IQCH: variants seen among roughly 807,000 people sequenced by gnomAD.
The protein encoded by IQCH is IQ domain-containing protein H.
A neutral mutation model predicts 117.0 loss-of-function variants in IQCH; 98 were observed. The ratio of observed to expected loss-of-function variants is 0.84; its 90% CI spans 0.71 to 0.99. The LOEUF is 0.99. Among genes scored for constraint, IQCH ranks in the 50% least tolerant of loss-of-function variants. The pLI, the probability that IQCH is intolerant of heterozygous loss-of-function variation, is 0.00. For synonymous variants in IQCH, 412 were observed against 448.2 expected (o/e 0.92, Z 1.02); for missense variants, 1,102 against 1,243.8 (o/e 0.89, Z 1.72).
chr15:67,498,085 C>A (rs937008568), intron 20 of IQCH, among the ~76,000 whole-genome samples: 4 of 152,116 alleles, frequency 2.6e-5, no homozygotes, highest in African/African-American at 9.7e-5. Flanking sequence ...GGAGAAGTCA[C>A]ACTTCTCAAT....
At chr15:67,429,475 G>T (rs979951100) in intron 16 of IQCH, among the ~76,000 whole-genome samples, 5 of 152,162 alleles carry the variant, frequency 3.3e-5, no homozygotes, top group African/African-American at 1.2e-4. Context: ...CCATGATCGT[G>T]CCACTGCACT....
chr15:67,349,384 C>A (rs1168506685), intron 6 of IQCH, among the ~76,000 whole-genome samples: 2 of 152,062 alleles, frequency 1.3e-5, no homozygotes, highest in Admixed American at 6.5e-5. Context: ...TTTGGGAGGC[C>A]AAGTTGGGTG....
chr15:67,336,023 G>A (rs1053165311), intron 4 of IQCH, among the ~76,000 whole-genome samples: 3 of 151,918 alleles, frequency 2.0e-5, no homozygotes, highest in Non-Finnish European at 2.9e-5. Context: ...TTGTGCAACC[G>A]AGTCCAATGG....
At position 67,389,072 on chromosome 15, in the gene IQCH, A is replaced by G; in HGVS notation, c.1632+66A>G. On this transcript the variant is annotated intron_variant, in intron 12 of 20. Coordinates refer to ENST00000335894, the MANE Select transcript of IQCH (RefSeq NM_001031715.3). ...TAAAATTAAATTGGAAATTTTAATA[A>G]CTTGCAACGCTCTGGTACACATCAG... The G allele has an allele frequency of 4.0e-6, 5 of 1,256,194 alleles. 1 individual carries two copies. The South Asian group carries it at 6.4e-5, about 16-fold the overall frequency. 77.8% of individuals were successfully genotyped at this position (1,256,194 alleles called of 1,614,324 possible).
At chr15:67,281,698 A>G (rs1221395479) in intron 4 of IQCH, 8 of 454,172 alleles carry the variant, frequency 1.8e-5, no homozygotes, top group Admixed American at 1.2e-4. Context: ...AAATTTCCCC[A>G]CAAAAGACAG....
chr15:67,452,972 A>G (rs1469276308), intron 16 of IQCH, among the ~76,000 whole-genome samples: 2 of 151,752 alleles, frequency 1.3e-5, no homozygotes, highest in Non-Finnish European at 2.9e-5. Context: ...CATTTCATTC[A>G]TTTCATCTTC....
At chr15:67,437,047 A>G (rs1470792737) in intron 16 of IQCH, among the ~76,000 whole-genome samples, 2 of 152,066 alleles carry the variant, frequency 1.3e-5, no homozygotes, top group African/African-American at 2.4e-5. Context: ...CCACACTACT[A>G]TAGCTGATGC....
chr15:67,373,169 G>A (rs111761274), intron 9 of IQCH, among the ~76,000 whole-genome samples, 198 bp from the exon 10 acceptor site: 207 of 152,228 alleles, frequency 1.4e-3, no homozygotes, highest in Admixed American at 2.6e-3. Context: ...TAAGTGAGCT[G>A]CCTCTAATCT....
intron 6 of IQCH, among the ~76,000 whole-genome samples, chr15:67,355,965 C>A (rs1198128714): frequency 6.6e-6 from 1 of 152,172 alleles, no homozygotes; most frequent in African/African-American, 2.4e-5. Flanking sequence ...AAAAGTTATG[C>A]CCACTTGAAA....
At chr15:67,489,845 T>C (rs939543019) in intron 18 of IQCH, among the ~76,000 whole-genome samples, 158 bp from the exon 19 acceptor site, 14 of 151,994 alleles carry the variant, frequency 9.2e-5, no homozygotes, top group African/African-American at 3.1e-4. Flanking sequence ...CTCCAAATTC[T>C]AGAGGCAGCC....
chr15:67,255,519 A>G (rs769168103), intron 1 of IQCH, among the ~76,000 whole-genome samples: 2 of 152,250 alleles, frequency 1.3e-5, no homozygotes, highest in South Asian at 2.1e-4. Context: ...GTCTTGTCCA[A>G]TACAGCTCAA....
rs1567163539 is a variant in IQCH, at chr15:67,408,710, G to A, written c.2098-8221G>A. Among the ~76,000 whole-genome samples, 8 of 152,082 alleles carry A rather than the reference G, an allele frequency of 5.3e-5. No homozygotes were observed. Among genetic ancestry groups the A allele is most frequent in the Non-Finnish European group, 1.5e-5 (1 of 68,026 alleles). On this transcript the variant is annotated intron_variant, in intron 14 of 20. Coordinates refer to ENST00000335894, the MANE Select transcript of IQCH (RefSeq NM_001031715.3). The surrounding 1 kb of genome is among the most constrained non-coding windows in gnomAD (Gnocchi z 4.2). The stretch of plus-strand genomic sequence containing the variant: ...TTGAATGAAAAATCAAGTTCAAAGG[G>A]CACATGTGTTTCCTTTTGTTTTTAA...
At chr15:67,266,693 ACTT>A in intron 3 of IQCH, among the ~76,000 whole-genome samples, 1 of 152,266 alleles carries the variant, frequency 6.6e-6, no homozygotes, top group Non-Finnish European at 1.5e-5. Context: ...CATACTCTAT[ACTT>A]AGGTGAGGTT....
At position 67,388,618 on chromosome 15, in the gene IQCH, G is replaced by A. The variant is rs3825979; in HGVS notation, c.1457-213G>A. Among the ~76,000 whole-genome samples the A allele has an allele frequency of 0.13, 20,286 of 152,130 alleles. 1,423 individuals are homozygous for A. The highest frequency in any genetic ancestry group is 0.2 in the East Asian group (1,028 of 5,180). The stretch of plus-strand genomic sequence containing the variant: ...AGGAATCATTGCATCTATTTCGTTG[G>A]TGGTGGTGTTATTTATATTTTCTTT... On this transcript the variant is annotated intron_variant, in intron 11 of 20. Coordinates refer to ENST00000335894, the MANE Select transcript of IQCH (RefSeq NM_001031715.3). The surrounding 1 kb of genome is among the most constrained non-coding windows in gnomAD (Gnocchi z 5.5).
At position 67,342,486 on chromosome 15, in the gene IQCH, T is replaced by C. The variant is rs1250961773; in HGVS notation, c.509-1577T>C. ...ACCAGCACTAAAGCAAGGGTTGAAA[T>C]CGTGCTTATAGTCTTCAGAATTCTC... On this transcript the variant is annotated intron_variant, in intron 5 of 20. Transcript: ENST00000335894. This position sits in a 1 kb window ranked among gnomAD's most constrained non-coding sequence, Gnocchi z 4.7. Among the ~76,000 whole-genome samples, 1 of 152,186 alleles carries C rather than the reference T, an allele frequency of 6.6e-6. No homozygotes were observed. Among genetic ancestry groups the C allele is most frequent in the Admixed American group, 6.5e-5 (1 of 15,280 alleles).
chr15:67,315,513 C>T (rs890007197), intron 4 of IQCH, among the ~76,000 whole-genome samples: 10 of 151,938 alleles, frequency 6.6e-5, no homozygotes, highest in East Asian at 3.9e-4. Context: ...CATTAATCCC[C>T]GTGGAATGAG....
rs113591934 is a variant in IQCH, at chr15:67,287,053, T to A, written c.387+7541T>A. On this transcript the variant is annotated intron_variant, in intron 4 of 20. Coordinates refer to ENST00000335894, the MANE Select transcript of IQCH (RefSeq NM_001031715.3). ...GATCATATGGTTTTGTCCTCTATTC[T>A]GTTGATATGATGTATCACATTGATT... 1.9e-3 allele frequency among the ~76,000 whole-genome samples: 290 copies of A among 152,370 alleles called. 1 individual carries two copies. Among genetic ancestry groups the A allele is most frequent in the African/African-American group, 6.8e-3 (282 of 41,600 alleles).
chr15:67,326,137 C>T (rs913195456), intron 4 of IQCH, among the ~76,000 whole-genome samples: 1 of 152,198 alleles, frequency 6.6e-6, no homozygotes, highest in Admixed American at 6.5e-5. Context: ...CCACAACAGG[C>T]CCTGGTGTGT....
In IQCH at chr15:67,422,228, G is replaced by A. The variant is rs542611212; in HGVS notation, c.2505+651G>A. The stretch of plus-strand genomic sequence containing the variant: ...ACTATTTTATGCCATCCAGGGAGTG[G>A]AACCGGTCTAGAGCCTGTTTTATAT... On this transcript the variant is annotated intron_variant, in intron 16 of 20. Transcript: ENST00000335894. This position sits in a 1 kb window ranked among gnomAD's most constrained non-coding sequence, Gnocchi z 4.7. Among the ~76,000 whole-genome samples the A allele has an allele frequency of 6.6e-6, 1 of 152,194 alleles. No homozygotes were observed. Among genetic ancestry groups the A allele is most frequent in the Non-Finnish European group, 1.5e-5 (1 of 68,020 alleles).
Sources: gnomAD v4.1 joint callset for allele counts (sites outside exome capture counted in the v4.1 genomes callset) on GRCh38, gnomAD v4.1.1 for gene constraint, Gnocchi (gnomAD v3.1) non-coding constraint, MANE v1.5 for transcripts, NCBI Gene and HGNC (gene_info 2026-07-23, HGNC 2026-07-21) for gene names.